Variants in MYH16 observed in about 807,000 individuals in gnomAD.
MYH16 encodes myosin heavy chain 16, also known as putative uncharacterized protein MYH16.
intron 37 of MYH16, among the ~76,000 whole-genome samples, chr7:99,300,795 C>T (rs572322065): frequency 6.6e-6 from 1 of 152,176 alleles, no homozygotes; most frequent in South Asian, 2.1e-4. Flanking sequence ...GACAGAGACC[C>T]TGTCTCAAAA....
intron 6 of MYH16, among the ~76,000 whole-genome samples, chr7:99,252,079 G>C (rs892942425): frequency 2.6e-5 from 4 of 152,162 alleles, no homozygotes; most frequent in African/African-American, 9.7e-5. Flanking sequence ...ATGGTGGAGG[G>C]GCTGGGAGGT....
intron 21 of MYH16, among the ~76,000 whole-genome samples, 166 bp downstream of exon 3, chr7:99,277,878 CGTGTGTGTGTGTGT>C (rs61634087): frequency 4.9e-5 from 6 of 121,730 alleles, no homozygotes; most frequent in South Asian, 2.8e-4. Flanking sequence ...CCATCCAATT[CGTGTGTGTGTGTGT>C]GTGTGTGTGT....
At chr7:99,257,491 G>T (rs1441388415) in intron 10 of MYH16, 1 of 153,050 alleles carries the variant, frequency 6.5e-6, no homozygotes, top group African/African-American at 2.4e-5. Context: ...AGTGCAGGGA[G>T]TTCCCTGCTT....
Position 99,303,774 on chromosome 7 carries a change from C to G in MYH16, n.5263+584C>G, listed in dbSNP as rs1322241036. On this transcript the variant is annotated intron_variant and non_coding_transcript_variant, in intron 39 of 41. Coordinates refer to ENST00000439784, the Ensembl canonical transcript of MYH16. Reference sequence around the variant, plus strand: ...TCATGATCCCGCCACTGCACTGCAGCCTGGGCGACAGAACAAGACCCTGTC... The same window carrying G: ...TCATGATCCCGCCACTGCACTGCAGGCTGGGCGACAGAACAAGACCCTGTC... Among the ~76,000 whole-genome samples the G allele has an allele frequency of 9.2e-5, 14 of 152,204 alleles. 1 individual carries two copies. Among genetic ancestry groups the G allele is most frequent in the Admixed American group, 9.2e-4 (14 of 15,286 alleles).
At chr7:99,267,424 C>T (rs1791998517) in intron 18 of MYH16, among the ~76,000 whole-genome samples, 1 of 152,130 alleles carries the variant, frequency 6.6e-6, no homozygotes, top group Non-Finnish European at 1.5e-5. Context: ...GAGATGGGGT[C>T]TCACTCTGTT....
chr7:99,276,606 G>A (rs1304356265), intron 20 of MYH16, among the ~76,000 whole-genome samples: 3 of 152,246 alleles, frequency 2.0e-5, no homozygotes, highest in Non-Finnish European at 2.9e-5. Flanking sequence ...AAATGCTCCC[G>A]GCTGAATGGC....
downstream of MYH16, among the ~76,000 whole-genome samples, chr7:99,310,262 A>G (rs1414008354): frequency 1.3e-5 from 2 of 152,130 alleles, no homozygotes; most frequent in Non-Finnish European, 2.9e-5. Flanking sequence ...TGAAGCTAGC[A>G]GGGTAGGGTA....
chr7:99,305,474 C>A (rs1359184218), intron 40 of MYH16: 1 of 152,222 alleles, frequency 6.6e-6, no homozygotes, highest in Non-Finnish European at 1.5e-5. Context: ...TCCCTAACAC[C>A]CCCATTTCCC....
chr7:99,276,977 AAGAG>A (rs898693118), intron 20 of MYH16, among the ~76,000 whole-genome samples: 8 of 151,974 alleles, frequency 5.3e-5, no homozygotes, highest in African/African-American at 7.2e-5. Flanking sequence ...GAGAGAGAAA[AAGAG>A]AGAGCAGAGC....
At chr7:99,257,328 C>T (rs993275080) in exon 10 of MYH16, 1 of 163,270 alleles carries the variant, frequency 6.1e-6, no homozygotes, top group Non-Finnish European at 1.4e-5. Flanking sequence ...TGGGCTTCAG[C>T]GCCGAGGAGA....
intron 20 of MYH16, among the ~76,000 whole-genome samples, chr7:99,276,809 G>C (rs527598735): frequency 6.6e-6 from 1 of 152,226 alleles, no homozygotes; most frequent in East Asian, 1.9e-4. Flanking sequence ...GAGATGGAGA[G>C]AGACACACAC....
chr7:99,282,784 C>T (rs1293635115), intron 23 of MYH16, among the ~76,000 whole-genome samples: 2 of 150,898 alleles, frequency 1.3e-5, no homozygotes, highest in East Asian at 2.0e-4. Flanking sequence ...TAGCTATGAT[C>T]GTACCACTGT....
intron 27 of MYH16, 125 bp downstream of exon 9, chr7:99,285,563 G>T: frequency 2.5e-6 from 1 of 406,022 alleles, no homozygotes; most frequent in Non-Finnish European, 4.9e-6. Flanking sequence ...AAAAAGTCTA[G>T]TTGCTTCTGG....
chr7:99,277,059 C>CAG (rs1167408427), intron 20 of MYH16, among the ~76,000 whole-genome samples: 1 of 117,530 alleles, frequency 8.5e-6, no homozygotes, highest in Non-Finnish European at 1.5e-5. Flanking sequence ...GAGAGAGACA[C>CAG]AGAGAGAGAG....
At chr7:99,265,342 T>C (rs1241503286) in intron 16 of MYH16, among the ~76,000 whole-genome samples, 4 of 152,202 alleles carry the variant, frequency 2.6e-5, no homozygotes, top group Non-Finnish European at 4.4e-5. Flanking sequence ...CCAAGAATCA[T>C]ATTCTAGCTG....
intron 33 of MYH16, among the ~76,000 whole-genome samples, chr7:99,295,250 G>C (rs1345815587): frequency 6.6e-6 from 1 of 151,724 alleles, no homozygotes; most frequent in Non-Finnish European, 1.5e-5. Flanking sequence ...GTGGTGGCAG[G>C]CACCTGTAGT....
chr7:99,281,019 G>C (rs1186621062), intron 23 of MYH16, 39 bp downstream of exon 5: 3 of 337,662 alleles, frequency 8.9e-6, no homozygotes, highest in Non-Finnish European at 1.2e-5. Context: ...CCAGCAGCTA[G>C]AGCTTGGCAC....
At chr7:99,279,723 GAGA>G (rs775917108) in exon 22 of MYH16, 64 of 455,614 alleles carry the variant, frequency 1.4e-4, no homozygotes, top group Non-Finnish European at 2.6e-4. Flanking sequence ...GGCCAAGACA[GAGA>G]AGGAGAAGCA....
chr7:99,246,853 T>C (rs1055139523), intron 2 of MYH16, among the ~76,000 whole-genome samples: 1 of 152,070 alleles, frequency 6.6e-6, no homozygotes, highest in Admixed American at 6.5e-5. Context: ...CCTATTCAAA[T>C]CCAGATGGAC....
Sources: gnomAD v4.1 joint callset for allele counts (sites outside exome capture counted in the v4.1 genomes callset) on GRCh38, gnomAD v4.1.1 for gene constraint, MANE v1.5 for transcripts, NCBI Gene and HGNC (gene_info 2026-07-23, HGNC 2026-07-21) for gene names.